The following ADD2 variants were observed in gnomAD, a reference collection of about 807,000 sequenced individuals.
The protein encoded by ADD2 is adducin 2.
In ADD2, 23 loss-of-function variants were observed where a neutral mutation model predicts 83.0. The observed-to-expected ratio is 0.28, with a 90% confidence interval of 0.20 to 0.39. The LOEUF is 0.39. Ranked by LOEUF, ADD2 falls within the 10% of genes least tolerant of loss-of-function variation. ADD2 has a pLI of 1.00. For missense variants in ADD2, 758 were observed against 944.9 expected, an observed-to-expected ratio of 0.80 and a Z score of 2.59; for synonymous variants, 375 against 375.4, an observed-to-expected ratio of 1.00 and a Z score of 0.01.
intron 1 of ADD2, among the ~76,000 whole-genome samples, chr2:70,732,612 G>C (rs924218607): frequency 7.2e-5 from 11 of 152,182 alleles, no homozygotes; most frequent in African/African-American, 2.4e-4. Context: ...AGGGATGTCA[G>C]AGGTGAGCAT....
At chr2:70,748,675 C>G (rs1329446379) in intron 1 of ADD2, among the ~76,000 whole-genome samples, 1 of 152,218 alleles carries the variant, frequency 6.6e-6, no homozygotes, top group Non-Finnish European at 1.5e-5. Flanking sequence ...GTGAAAGCTT[C>G]TGTCTTTTCA....
intron 6 of ADD2, among the ~76,000 whole-genome samples, chr2:70,692,903 A>C (rs1671121737): frequency 6.6e-6 from 1 of 152,152 alleles, no homozygotes; most frequent in Non-Finnish European, 1.5e-5. Flanking sequence ...TGATCCACAG[A>C]CCACACATGG....
intron 2 of ADD2, among the ~76,000 whole-genome samples, chr2:70,709,993 C>G (rs575495511): frequency 1.3e-5 from 2 of 152,312 alleles, no homozygotes; most frequent in Admixed American, 1.3e-4. Flanking sequence ...GCAGGCAGCA[C>G]GGCAGAACAA....
chr2:70,759,406 T>C (rs1674965935), intron 1 of ADD2, among the ~76,000 whole-genome samples: 1 of 152,146 alleles, frequency 6.6e-6, no homozygotes, highest in South Asian at 2.1e-4. Flanking sequence ...AATCCCCACT[T>C]TACTGGGAGC....
Position 70,751,433 on chromosome 2 carries a change from G to T in ADD2, c.-154+16453C>A, listed in dbSNP as rs186361696. ...AAAGGAATACAGTGTTACGTTTGGT[G>T]TTATGTTTGCCTTAGCATATTAAAA... On this transcript the variant is annotated intron_variant, in intron 1 of 15. Coordinates refer to ENST00000264436, the MANE Select transcript of ADD2 (RefSeq NM_001617.4). Among the ~76,000 whole-genome samples, 32 of 152,278 alleles carry T rather than the reference G, an allele frequency of 2.1e-4. No individual in the cohort carries two copies. In the East Asian group the frequency reaches 3.7e-3, roughly 17 times the overall value.
intron 1 of ADD2, among the ~76,000 whole-genome samples, chr2:70,721,042 T>C (rs1672704756): frequency 6.6e-6 from 1 of 152,204 alleles, no homozygotes; most frequent in Non-Finnish European, 1.5e-5. Flanking sequence ...TCTGAGGCTG[T>C]TGTTATGGCA....
chr2:70,675,621 G>C (rs1429216759), intron 13 of ADD2: 131 of 985,458 alleles, frequency 1.3e-4, no homozygotes, highest in Non-Finnish European at 1.5e-4. Flanking sequence ...AGGATGCAGT[G>C]CTCTGAAGCT....
intron 1 of ADD2, among the ~76,000 whole-genome samples, chr2:70,761,052 C>T (rs1265322563): frequency 6.6e-6 from 1 of 152,154 alleles, no homozygotes; most frequent in Non-Finnish European, 1.5e-5. Flanking sequence ...CCGGAATATA[C>T]TATCTTTCCT....
intron 4 of ADD2, 58 bp downstream of exon 4, chr2:70,704,263 T>TGCCCCCCCCCCCCCCCCCCCCCCACC: frequency 2.2e-6 from 2 of 913,238 alleles, no homozygotes; most frequent in Admixed American, 2.1e-5. Flanking sequence ...CTCCCTCTCT[T>TGCCCCCCCCCCCCCCCCCCCCCCACC]CCCCACCCCA....
chr2:70,723,932 A>G (rs1212877464), intron 1 of ADD2, among the ~76,000 whole-genome samples: 1 of 152,220 alleles, frequency 6.6e-6, no homozygotes, highest in Non-Finnish European at 1.5e-5. Flanking sequence ...ACCTCTCACC[A>G]CTTAGAAAAG....
At chr2:70,704,266 C>G in intron 4 of ADD2, 55 bp downstream of exon 4, 5 of 650,834 alleles carry the variant, frequency 7.7e-6, no homozygotes, top group Non-Finnish European at 7.7e-6. Flanking sequence ...CCTCTCTTCC[C>G]CACCCCACCC....
intron 1 of ADD2, among the ~76,000 whole-genome samples, chr2:70,757,714 T>C (rs570723372): frequency 6.6e-6 from 1 of 152,280 alleles, no homozygotes; most frequent in South Asian, 2.1e-4. Context: ...CTTTTCACGG[T>C]AGATTTTTGA....
chr2:70,683,761 C>T lies in ADD2; in HGVS notation c.955G>A (p.Ala319Thr), dbSNP rs1553370047. ...LQAACEIQVS[A>T]LSSAGGVENL... is the part of the protein sequence containing the mutation. ...TCCACTCCCCCGGCACTGGACAGAGCCGACACCTGTAGCAAAGAGCAGAGA... is the reference window on the plus strand; with the variant it reads ...TCCACTCCCCCGGCACTGGACAGAGTCGACACCTGTAGCAAAGAGCAGAGA... The change falls in exon 10 of 16, where the codon GCT becomes ACT. Residue 319 changes from alanine to threonine, a missense_variant. Around this residue, in one of 5 missense-constraint regions of ADD2, gnomAD observed 394 missense variants for 509.3 expected, o/e 0.77. Transcript: ENST00000264436. The T allele has an allele frequency of 1.2e-6, 2 of 1,610,326 alleles. No individual in the cohort carries two copies. The highest frequency in any genetic ancestry group is 1.7e-5 in the Admixed American group (1 of 59,924).
chr2:70,737,787 C>G (rs1673659617), intron 1 of ADD2, among the ~76,000 whole-genome samples: 2 of 152,098 alleles, frequency 1.3e-5, no homozygotes, highest in African/African-American at 2.4e-5. Context: ...TCATCCAAGT[C>G]CCCCTGTTCT....
Position 70,661,669 on chromosome 2 carries a change from C to T in ADD2, c.*1756G>A, listed in dbSNP as rs1675540955. On this transcript the variant is annotated 3_prime_UTR_variant, in exon 16 of 16. Coordinates refer to ENST00000264436, the MANE Select transcript of ADD2 (RefSeq NM_001617.4). The stretch of plus-strand genomic sequence containing the variant: ...TAGCATCACCACAGTCCACATTGAC[C>T]AGGAACTTCACGTGCAGTGATGAGG... 2.0e-5 allele frequency: 3 copies of T among 152,250 alleles called. No individual in the cohort carries two copies. The highest frequency in any genetic ancestry group is 7.2e-5 in the African/African-American group (3 of 41,446). The allele number at this position is 152,250 out of a possible 1,614,324, so 9.4% of individuals were successfully genotyped here. A position where few individuals can be genotyped will look rare whatever the true frequency, so the allele number is the denominator to read the frequency against.
chr2:70,756,588 G>C (rs547692648), intron 1 of ADD2, among the ~76,000 whole-genome samples: 1 of 152,202 alleles, frequency 6.6e-6, no homozygotes, highest in Non-Finnish European at 1.5e-5. Flanking sequence ...CTAGGAAATA[G>C]AGTATTTTAT....
At chr2:70,701,474 T>C (rs1258987435) in intron 4 of ADD2, among the ~76,000 whole-genome samples, 1 of 152,128 alleles carries the variant, frequency 6.6e-6, no homozygotes, top group Non-Finnish European at 1.5e-5. Flanking sequence ...GGATAATTAA[T>C]CTATTATTAA....
At position 70,673,187 on chromosome 2, in the gene ADD2, G is replaced by A. The variant is rs111329946; in HGVS notation, c.1742-181C>T. The A allele has an allele frequency of 1.8e-5, 29 of 1,595,250 alleles. 1 individual carries two copies. Among genetic ancestry groups the A allele is most frequent in the East Asian group, 1.8e-4 (8 of 44,778 alleles). On this transcript the variant is annotated intron_variant, in intron 14 of 15. Transcript: ENST00000264436. ...TTCTTAGATTTCTGCTACTTCCCTG[G>A]GAAGGCCAATGGGAGAGGGTGGAGT... is the stretch of plus-strand genomic sequence containing the variant.
chr2:70,696,913 C>CA (rs1671339977), intron 4 of ADD2, among the ~76,000 whole-genome samples: 1 of 152,176 alleles, frequency 6.6e-6, no homozygotes, highest in Admixed American at 6.5e-5. Context: ...GTAATCCCAG[C>CA]ATTTTGGGAG....
Sources: allele counts gnomAD v4.1 joint callset (sites outside exome capture counted in the v4.1 genomes callset), GRCh38; gene constraint gnomAD v4.1.1; regional missense constraint gnomAD v4.1.1; transcripts MANE v1.5; gene names NCBI Gene and HGNC (gene_info 2026-07-23, HGNC 2026-07-21).